The following GABBR2 variants were observed in gnomAD, a reference collection of about 807,000 sequenced individuals.
GABBR2 encodes gamma-aminobutyric acid type B receptor subunit 2.
In GABBR2, 23 loss-of-function variants were observed where a neutral mutation model predicts 105.6. The ratio of observed to expected loss-of-function variants is 0.22; its 90% CI spans 0.16 to 0.31. GABBR2 has a LOEUF of 0.31. Among genes scored for constraint, GABBR2 ranks in the 10% least tolerant of loss-of-function variants. The probability of loss-of-function intolerance (pLI) is 1.00; values close to 1 mark genes in which losing one functional copy is unlikely to be tolerated. For missense variants in GABBR2, 734 were observed against 1,245.5 expected (o/e 0.59, Z 6.18); for synonymous variants, 478 against 499.7 (o/e 0.96, Z 0.58).
intron 3 of GABBR2, among the ~76,000 whole-genome samples, chr9:98,521,777 A>G (rs988848743): frequency 2.6e-5 from 4 of 152,172 alleles, no homozygotes; most frequent in Non-Finnish European, 4.4e-5. Context: ...AGATAAAACA[A>G]TGAGGGGACT....
At chr9:98,594,251 G>A (rs1306836978) in intron 1 of GABBR2, among the ~76,000 whole-genome samples, 1 of 152,188 alleles carries the variant, frequency 6.6e-6, no homozygotes, top group East Asian at 1.9e-4. Flanking sequence ...CACCTTCCCA[G>A]TGTCTAGCCC....
chr9:98,463,633 CTCTCGCTCTCCG>C (rs1782426019), intron 6 of GABBR2, among the ~76,000 whole-genome samples: 1 of 152,146 alleles, frequency 6.6e-6, no homozygotes, highest in Admixed American at 6.5e-5. Flanking sequence ...CTCCGTCTCG[CTCTCGCTCTCCG>C]TCTCCCTCTT....
intron 7 of GABBR2, among the ~76,000 whole-genome samples, chr9:98,447,366 A>G (rs972008664): frequency 2.6e-5 from 4 of 152,052 alleles, no homozygotes; most frequent in Admixed American, 1.3e-4. Context: ...CCCGGCCCCT[A>G]AAAAAGACTT....
At chr9:98,590,666 G>A (rs1342044214) in intron 1 of GABBR2, among the ~76,000 whole-genome samples, 5 of 152,196 alleles carry the variant, frequency 3.3e-5, no homozygotes, top group African/African-American at 1.2e-4. Flanking sequence ...GGGCTGGATC[G>A]CCCTCTTAAG....
chr9:98,299,878 A>C (rs571006600), intron 16 of GABBR2, among the ~76,000 whole-genome samples: 1 of 152,190 alleles, frequency 6.6e-6, no homozygotes, highest in South Asian at 2.1e-4. Context: ...TAATATTACT[A>C]TTATTACAGG....
intron 1 of GABBR2, among the ~76,000 whole-genome samples, chr9:98,640,121 C>CATATATATATAT (rs6151094): frequency 1.8e-3 from 260 of 140,876 alleles, no homozygotes; most frequent in Middle Eastern, 0.012. Context: ...AAAATACAAC[C>CATATATATATAT]ATATATATAT....
rs187075723 is a variant in GABBR2, at chr9:98,290,821, C to A, written c.2661-72G>T. On this transcript the variant is annotated intron_variant, in intron 18 of 18. Coordinates refer to ENST00000259455, the MANE Select transcript of GABBR2 (RefSeq NM_005458.8). ...CTTACCAGAAAGTTCCTTGGACTTG[C>A]TTTGGCTAAAAAAGCTGATGACAGG... The A allele has an allele frequency of 1.5e-3, 1,696 of 1,141,716 alleles. 6 individuals carry two copies. The highest frequency in any genetic ancestry group is 1.8e-3 in the Non-Finnish European group (1,565 of 850,652). The allele number at this position is 1,141,716 out of a possible 1,614,324, so 70.7% of individuals were successfully genotyped here. A position where few individuals can be genotyped will look rare whatever the true frequency, so the allele number is the denominator to read the frequency against.
intron 13 of GABBR2, among the ~76,000 whole-genome samples, chr9:98,325,125 C>T (rs780079028): frequency 1.3e-5 from 2 of 152,104 alleles, no homozygotes; most frequent in East Asian, 3.9e-4. Flanking sequence ...GAGACACTCA[C>T]TACCTCCTAA....
intron 7 of GABBR2, among the ~76,000 whole-genome samples, chr9:98,423,092 A>G (rs1832812937): frequency 2.0e-5 from 3 of 152,302 alleles, no homozygotes; most frequent in Middle Eastern, 3.4e-3. Flanking sequence ...GTGTCTTTAT[A>G]GCAGCATGAT....
At chr9:98,405,677 C>T (rs1832477478) in intron 8 of GABBR2, among the ~76,000 whole-genome samples, 1 of 152,154 alleles carries the variant, frequency 6.6e-6, no homozygotes, top group Non-Finnish European at 1.5e-5. Context: ...TACACACATC[C>T]TCCCATATAC....
At chr9:98,608,495 T>C (rs1564129685) in intron 1 of GABBR2, among the ~76,000 whole-genome samples, 3 of 152,236 alleles carry the variant, frequency 2.0e-5, no homozygotes, top group Non-Finnish European at 2.9e-5. Context: ...AAGGTTTTCA[T>C]TGAGGATAAA....
intron 13 of GABBR2, among the ~76,000 whole-genome samples, chr9:98,359,388 C>A (rs922613247): frequency 6.6e-6 from 1 of 152,150 alleles, no homozygotes; most frequent in Non-Finnish European, 1.5e-5. Context: ...CAAGATCATG[C>A]CACTGCACTC....
chr9:98,315,759 A>T (rs541675626), intron 13 of GABBR2, among the ~76,000 whole-genome samples: 1 of 152,174 alleles, frequency 6.6e-6, no homozygotes, highest in Non-Finnish European at 1.5e-5. Flanking sequence ...GTGGTGGTGG[A>T]TTACCCTCTG....
At chr9:98,641,299 A>ATT (rs58779559) in intron 1 of GABBR2, among the ~76,000 whole-genome samples, 7,222 of 129,232 alleles carry the variant, frequency 0.056, 687 homozygotes, top group East Asian at 0.43. Flanking sequence ...ATGCCCAGCT[A>ATT]TTTTTTTTTT....
chr9:98,448,168 T>C (rs1018117842), intron 7 of GABBR2, among the ~76,000 whole-genome samples: 1 of 151,994 alleles, frequency 6.6e-6, no homozygotes, highest in Non-Finnish European at 1.5e-5. Flanking sequence ...AGGAACTTAA[T>C]GGGTCACTCT....
chr9:98,419,901 G>A (rs988625852), intron 7 of GABBR2, among the ~76,000 whole-genome samples: 2 of 152,114 alleles, frequency 1.3e-5, no homozygotes, highest in African/African-American at 2.4e-5. Context: ...AGGAGAGCGC[G>A]AGTCCTCCAG....
intron 6 of GABBR2, among the ~76,000 whole-genome samples, chr9:98,465,382 A>G (rs955101468): frequency 6.6e-6 from 1 of 152,196 alleles, no homozygotes; most frequent in Non-Finnish European, 1.5e-5. Flanking sequence ...ATCCTATACA[A>G]AATGTATTTC....
intron 13 of GABBR2, among the ~76,000 whole-genome samples, chr9:98,312,904 C>T (rs1830657855): frequency 2.6e-5 from 4 of 152,236 alleles, no homozygotes; most frequent in East Asian, 3.9e-4. Flanking sequence ...CGGCCGCCAC[C>T]ATGCCTGGCT....
intron 16 of GABBR2, among the ~76,000 whole-genome samples, chr9:98,302,307 TCCCCTCCTGACACTG>T (rs1264245340): frequency 6.6e-6 from 1 of 152,056 alleles, no homozygotes; most frequent in East Asian, 1.9e-4. Context: ...TTCTATCTCT[TCCCCTCCTGACACTG>T]TGAACAGGAC....
Sources: gnomAD v4.1 joint callset for allele counts (sites outside exome capture counted in the v4.1 genomes callset) on GRCh38, gnomAD v4.1.1 for gene constraint, MANE v1.5 for transcripts, NCBI Gene and HGNC (gene_info 2026-07-23, HGNC 2026-07-21) for gene names.